Variants in OPCML observed in about 807,000 individuals in gnomAD.
OPCML encodes opioid binding protein/cell adhesion molecule like.
A neutral mutation model predicts 37.8 loss-of-function variants in OPCML; 13 were observed. The observed-to-expected ratio is 0.34, with a 90% CI of 0.22 to 0.55. OPCML has a LOEUF of 0.55. OPCML is among the 20% of genes least tolerant of loss of function. OPCML has a pLI of 0.91. For synonymous variants in OPCML, 176 were observed against 168.8 expected (o/e 1.04, Z -0.33); for missense variants, 341 against 435.6 (o/e 0.78, Z 1.93).
At chr11:132,664,555 C>G (rs1028309151) in intron 2 of OPCML, among the ~76,000 whole-genome samples, 4 of 152,074 alleles carry the variant, frequency 2.6e-5, no homozygotes, top group African/African-American at 9.7e-5. Flanking sequence ...TAATGCCAGT[C>G]CAAAAACTGG....
chr11:133,238,205 G>A (rs113410986), intron 1 of OPCML, among the ~76,000 whole-genome samples: 46 of 152,236 alleles, frequency 3.0e-4, no homozygotes, highest in African/African-American at 5.3e-4. Flanking sequence ...AGGACCAGGC[G>A]TTCTGGGCTG....
At chr11:132,715,322 G>C (rs1417062918) in intron 2 of OPCML, among the ~76,000 whole-genome samples, 3 of 152,158 alleles carry the variant, frequency 2.0e-5, no homozygotes, top group Admixed American at 1.3e-4. Context: ...GATGAGTAAT[G>C]CACAATTTCT....
At chr11:132,860,893 C>T (rs1043071620) in intron 2 of OPCML, 3 of 152,122 alleles carry the variant, frequency 2.0e-5, no homozygotes, top group African/African-American at 7.2e-5. Context: ...CTTGTTTACT[C>T]CTTTGAGGTA....
rs139523639 is a variant in OPCML at position 132,725,383 on chromosome 11, A to T, written c.147-68064T>A. ...CCAGGGTACCAAGTCCTTAGGATGC[A>T]CACAGCAGGGGGGGCCCTGGGCCTA... On this transcript the variant is annotated intron_variant, in intron 2 of 7. Transcript: ENST00000524381. Among the ~76,000 whole-genome samples the T allele has an allele frequency of 2.0e-4, 31 of 152,298 alleles. No individual in the cohort carries two copies. In the East Asian group the frequency reaches 5.6e-3, roughly 28 times the overall value.
At chr11:133,376,782 C>T (rs992348042) in intron 1 of OPCML, among the ~76,000 whole-genome samples, 4 of 152,108 alleles carry the variant, frequency 2.6e-5, no homozygotes, top group African/African-American at 9.7e-5. Context: ...AATAAGCATG[C>T]AATGAAACTA....
chr11:132,995,796 A>G (rs1474225390), intron 1 of OPCML, among the ~76,000 whole-genome samples: 6 of 152,222 alleles, frequency 3.9e-5, no homozygotes, highest in Non-Finnish European at 8.8e-5. Context: ...AAGTGTGTCC[A>G]GGATAACCCC....
chr11:132,548,050 C>T (rs1387953964), intron 3 of OPCML, among the ~76,000 whole-genome samples: 1 of 152,132 alleles, frequency 6.6e-6, no homozygotes, highest in Admixed American at 6.5e-5. Context: ...GAAGCAGAAA[C>T]AGCATTTGGG....
intron 2 of OPCML, among the ~76,000 whole-genome samples, chr11:132,830,320 G>T (rs1940609523): frequency 6.6e-6 from 1 of 152,168 alleles, no homozygotes; most frequent in South Asian, 2.1e-4. Context: ...TGATTCATAA[G>T]TTCATCTCAA....
chr11:132,797,673 A>T lies in OPCML; in HGVS notation c.147-140354T>A, dbSNP rs530593701. Among the ~76,000 whole-genome samples the T allele has an allele frequency of 3.8e-4, 58 of 152,382 alleles. No individual in the cohort carries two copies. The South Asian group carries it at 0.011, about 29-fold the overall frequency. ...GCCATAATAGTATGCCTAACAATGT[A>T]CATGCCTTAATTTAAAAATACTTTA... is the stretch of plus-strand genomic sequence containing the variant. On this transcript the variant is annotated intron_variant, in intron 2 of 7. Coordinates refer to ENST00000524381, the MANE Select transcript of OPCML (RefSeq NM_001012393.5).
intron 1 of OPCML, among the ~76,000 whole-genome samples, chr11:133,364,251 C>A (rs1944489649): frequency 1.3e-5 from 2 of 152,188 alleles, no homozygotes; most frequent in African/African-American, 4.8e-5. Flanking sequence ...TACAAACCAC[C>A]TATACTACCA....
intron 1 of OPCML, among the ~76,000 whole-genome samples, chr11:133,499,257 C>T (rs1199369519): frequency 6.6e-6 from 1 of 152,114 alleles, no homozygotes; most frequent in East Asian, 1.9e-4. Flanking sequence ...GAGGGGCAGG[C>T]AGGGTCAGAG....
chr11:133,276,064 A>G (rs768208397), intron 1 of OPCML, among the ~76,000 whole-genome samples: 1 of 152,236 alleles, frequency 6.6e-6, no homozygotes, highest in African/African-American at 2.4e-5. Flanking sequence ...CCCTAGATTC[A>G]GTATAAAAAA....
At position 133,140,444 on chromosome 11, in the gene OPCML, G is replaced by A. The variant is rs1368828750; in HGVS notation, c.62-197434C>T. ...GCAGAAGAATCGCTTGAATCTGGGA[G>A]GCAGAGGTTGCAGTGAGCCGAGATT... On this transcript the variant is annotated intron_variant, in intron 1 of 7. Transcript: ENST00000524381. 6.1e-5 allele frequency among the ~76,000 whole-genome samples: 9 copies of A among 148,272 alleles called. No individual in the cohort carries two copies. The Admixed American group carries it at 6.1e-4, about 10-fold the overall frequency.
At chr11:133,147,442 G>A (rs780223658) in intron 1 of OPCML, among the ~76,000 whole-genome samples, 1 of 152,096 alleles carries the variant, frequency 6.6e-6, no homozygotes, top group Non-Finnish European at 1.5e-5. Flanking sequence ...CACGGAGAAA[G>A]CCCTACCCGC....
At chr11:132,872,928 T>C (rs2136399578) in intron 2 of OPCML, among the ~76,000 whole-genome samples, 1 of 152,154 alleles carries the variant, frequency 6.6e-6, no homozygotes, top group East Asian at 1.9e-4. Flanking sequence ...TTTCTTTCTT[T>C]TTTTTTTTCT....
chr11:132,680,681 TAGTGTC>T (rs1358272492), intron 2 of OPCML, among the ~76,000 whole-genome samples: 1 of 152,198 alleles, frequency 6.6e-6, no homozygotes, highest in Non-Finnish European at 1.5e-5. Flanking sequence ...TTATTTTACT[TAGTGTC>T]AACGATACAG....
intron 2 of OPCML, among the ~76,000 whole-genome samples, chr11:132,710,944 AG>A (rs1944239930): frequency 6.6e-6 from 1 of 152,184 alleles, no homozygotes; most frequent in Admixed American, 6.5e-5. Flanking sequence ...GAGGTTTCAT[AG>A]GGAACACACA....
At chr11:133,141,015 C>CGACGACGAA (rs1555102719) in intron 1 of OPCML, among the ~76,000 whole-genome samples, 4 of 7,660 alleles carry the variant, frequency 5.2e-4, no homozygotes, top group African/African-American at 1.2e-3. Flanking sequence ...ACGACGACGA[C>CGACGACGAA]GACGACGACG....
At chr11:132,676,114 T>C (rs891370493) in intron 2 of OPCML, among the ~76,000 whole-genome samples, 1 of 152,180 alleles carries the variant, frequency 6.6e-6, no homozygotes, top group East Asian at 1.9e-4. Flanking sequence ...TGGAATAGAA[T>C]TGAGAATTCA....
Sources: allele counts gnomAD v4.1 joint callset (sites outside exome capture counted in the v4.1 genomes callset), GRCh38; gene constraint gnomAD v4.1.1; transcripts MANE v1.5; gene names NCBI Gene and HGNC (gene_info 2026-07-23, HGNC 2026-07-21).